The following NCOA1 variants were observed in gnomAD, a reference collection of about 807,000 sequenced individuals.
The protein encoded by NCOA1 is Hin-2 protein.
NCOA1 carries 35 observed loss-of-function variants against 150.9 expected under a neutral mutation model. That is an observed-to-expected ratio of 0.23 (90% CI 0.18 to 0.31). NCOA1 has a LOEUF of 0.31. Ranked by LOEUF, NCOA1 falls within the 10% of genes least tolerant of loss-of-function variation. The pLI is 1.00. For missense variants in NCOA1, 1,491 were observed against 1,749.3 expected (o/e 0.85, Z 2.63); for synonymous variants, 590 against 630.0 (o/e 0.94, Z 0.95).
chr2:24,584,167 CTAAA>C (rs1398509658), intron 2 of NCOA1, among the ~76,000 whole-genome samples: 1 of 151,846 alleles, frequency 6.6e-6, no homozygotes, highest in Non-Finnish European at 1.5e-5. Flanking sequence ...AATATAGTTA[CTAAA>C]TGTCAATTTT....
At chr2:24,706,237 G>A (rs1196156679) in intron 12 of NCOA1, among the ~76,000 whole-genome samples, 3 of 151,824 alleles carry the variant, frequency 2.0e-5, no homozygotes, top group Non-Finnish European at 4.4e-5. Flanking sequence ...CTTAGAAATT[G>A]TTTAAAAGAA....
intron 12 of NCOA1, 132 bp from the exon 13 acceptor site, chr2:24,706,436 G>C (rs1673433429): frequency 1.5e-5 from 16 of 1,042,856 alleles, no homozygotes; most frequent in Non-Finnish European, 1.7e-5. Flanking sequence ...ATTTAAGATG[G>C]TACAGAAGCT....
chr2:24,539,581 G>A (rs1665305698), intron 1 of NCOA1, among the ~76,000 whole-genome samples: 1 of 152,200 alleles, frequency 6.6e-6, no homozygotes, highest in African/African-American at 2.4e-5. Context: ...ACAGATTCAT[G>A]ATGTGATTTG....
In NCOA1 at chr2:24,658,778, C is replaced by A. The variant is rs1558880185; in HGVS notation, c.89+12C>A. 6.2e-7 allele frequency: 1 copy of A among 1,612,472 alleles called. No homozygotes were observed. Among genetic ancestry groups the A allele is most frequent in the Admixed American group, 1.7e-5 (1 of 59,968 alleles). On this transcript the variant is annotated intron_variant, in intron 5 of 22. Coordinates refer to ENST00000348332, the MANE Select transcript of NCOA1 (RefSeq NM_003743.5). ...ACACTGGCATCAAGGTAGGAACACT[C>A]CTCTTAGTCTATTTTTGGCAGAGCT...
chr2:24,691,795 T>C, intron 9 of NCOA1, 135 bp downstream of exon 9: 1 of 771,316 alleles, frequency 1.3e-6, no homozygotes, highest in Non-Finnish European at 2.0e-6. Flanking sequence ...GCTATTCCAT[T>C]TGCTATATAT....
At chr2:24,674,471 G>C (rs1355943376) in intron 7 of NCOA1, among the ~76,000 whole-genome samples, 2 of 152,122 alleles carry the variant, frequency 1.3e-5, no homozygotes, top group African/African-American at 4.8e-5. Flanking sequence ...CTCCCAAAGT[G>C]CTGGGATTAC....
At chr2:24,642,015 T>C (rs1384495498) in intron 3 of NCOA1, among the ~76,000 whole-genome samples, 1 of 138,480 alleles carries the variant, frequency 7.2e-6, no homozygotes, top group Non-Finnish European at 1.6e-5. Context: ...GGCGTGTGTG[T>C]GTGTGTGTGT....
At chr2:24,610,375 T>C (rs1387729447) in intron 3 of NCOA1, among the ~76,000 whole-genome samples, 2 of 152,114 alleles carry the variant, frequency 1.3e-5, no homozygotes, top group Admixed American at 1.3e-4. Context: ...TCTTCTGACC[T>C]CGTAATCTGC....
chr2:24,639,893 A>G (rs1340219719), intron 3 of NCOA1, among the ~76,000 whole-genome samples: 1 of 118,268 alleles, frequency 8.5e-6, no homozygotes, highest in Non-Finnish European at 1.7e-5. Context: ...GTCTCAAAAA[A>G]AAAAAAAAAA....
chr2:24,748,635 AT>A (rs1348479546), intron 19 of NCOA1, among the ~76,000 whole-genome samples: 236 of 86,300 alleles, frequency 2.7e-3, no homozygotes, highest in African/African-American at 6.8e-3. Context: ...AAAAAAAAAA[AT>A]GTAACCTATA....
At chr2:24,565,361 A>G (rs1417792627) in intron 2 of NCOA1, among the ~76,000 whole-genome samples, 1 of 152,200 alleles carries the variant, frequency 6.6e-6, no homozygotes, top group Non-Finnish European at 1.5e-5. Context: ...GACAGGTCAG[A>G]GTTTGTTGAT....
intron 3 of NCOA1, among the ~76,000 whole-genome samples, chr2:24,627,642 A>T (rs1669493171): frequency 6.6e-6 from 1 of 152,190 alleles, no homozygotes. Flanking sequence ...TAAAACCTAT[A>T]TTGGAAATTA....
At chr2:24,746,609 A>G (rs1663933961) in intron 19 of NCOA1, among the ~76,000 whole-genome samples, 1 of 152,146 alleles carries the variant, frequency 6.6e-6, no homozygotes, top group South Asian at 2.1e-4. Flanking sequence ...GAAGAACTAG[A>G]TTATCTGATT....
chr2:24,711,363 C>T (rs185836105), intron 14 of NCOA1: 363 of 296,534 alleles, frequency 1.2e-3, no homozygotes, highest in African/African-American at 7.6e-3. Flanking sequence ...ACAATTTTGT[C>T]GTCTCACCCA....
chr2:24,639,928 A>G (rs1289124689), intron 3 of NCOA1, among the ~76,000 whole-genome samples: 940 of 17,432 alleles, frequency 0.054, 86 homozygotes, highest in African/African-American at 0.095. Context: ...ATATATATAT[A>G]TATATATATA....
At position 24,606,753 on chromosome 2, in the gene NCOA1, G is replaced by A. The variant is rs1668388428; in HGVS notation, c.-175+22193G>A. Among the ~76,000 whole-genome samples, 3 of 152,152 alleles carry A rather than the reference G, an allele frequency of 2.0e-5. No homozygotes were observed. The South Asian group carries it at 6.2e-4, about 32-fold the overall frequency. ...CAGTTCATGGTGTCCTCAAGTCAAA[G>A]AAATACCTAACAGCTACGTTTATTT... On this transcript the variant is annotated intron_variant, in intron 3 of 22. Coordinates refer to ENST00000348332, the MANE Select transcript of NCOA1 (RefSeq NM_003743.5).
intron 1 of NCOA1, among the ~76,000 whole-genome samples, chr2:24,529,833 A>T (rs1664804986): frequency 6.6e-6 from 1 of 152,224 alleles, no homozygotes; most frequent in African/African-American, 2.4e-5. Context: ...TAATTTTATA[A>T]AAAAGCAGCC....
rs190140458 is a variant in NCOA1, at chr2:24,749,235, G to A, written c.3707-2747G>A. ...CTTGAGATTGTCCAGACTGTGCTGC[G>A]GGGAGGGAGAATCCAACAGGAGCCA... On this transcript the variant is annotated intron_variant, in intron 19 of 22. Transcript: ENST00000348332. 9.4e-4 allele frequency among the ~76,000 whole-genome samples: 143 copies of A among 152,262 alleles called. 1 individual carries two copies. The highest frequency in any genetic ancestry group is 3.4e-3 in the Middle Eastern group (1 of 294).
intron 5 of NCOA1, among the ~76,000 whole-genome samples, chr2:24,660,509 A>G (rs1671138015): frequency 6.6e-6 from 1 of 152,068 alleles, no homozygotes; most frequent in African/African-American, 2.4e-5. Context: ...AGAATATTAC[A>G]TTTACATAAT....
Sources: gnomAD v4.1 joint callset for allele counts (sites outside exome capture counted in the v4.1 genomes callset) on GRCh38, gnomAD v4.1.1 for gene constraint, MANE v1.5 for transcripts, NCBI Gene and HGNC (gene_info 2026-07-23, HGNC 2026-07-21) for gene names.